The following MBTPS1 variants were observed in gnomAD, a reference collection of about 807,000 sequenced individuals.
The protein encoded by MBTPS1 is membrane bound transcription factor peptidase, site 1.
In MBTPS1, 94 loss-of-function variants were observed where a neutral mutation model predicts 127.8. The ratio of observed to expected loss-of-function variants is 0.74; its 90% CI spans 0.62 to 0.87. MBTPS1 has a LOEUF of 0.87. Ranked by LOEUF, MBTPS1 falls within the 40% of genes least tolerant of loss-of-function variation. The pLI is 0.00. For synonymous variants in MBTPS1, 632 were observed against 509.4 expected (o/e 1.24, Z -3.24); for missense variants, 1,636 against 1,353.2 (o/e 1.21, Z -3.28).
chr16:84,105,413 T>A (rs375933826), intron 1 of MBTPS1, among the ~76,000 whole-genome samples: 1 of 152,066 alleles, frequency 6.6e-6, no homozygotes, highest in African/African-American at 2.4e-5. Context: ...GAGGCAGGCA[T>A]CCAGGCCACA....
chr16:84,069,741 C>T, intron 14 of MBTPS1, 125 bp downstream of exon 14: 2 of 898,914 alleles, frequency 2.2e-6, no homozygotes, highest in Non-Finnish European at 3.4e-6. Flanking sequence ...CTGAACATCT[C>T]AGCGTCATCA....
intron 3 of MBTPS1, among the ~76,000 whole-genome samples, chr16:84,097,170 G>A (rs1052142204): frequency 6.6e-6 from 1 of 152,120 alleles, no homozygotes; most frequent in Admixed American, 6.5e-5. Flanking sequence ...TTGTCTTATG[G>A]CCCATGGGAT....
intron 14 of MBTPS1, 68 bp downstream of exon 14, chr16:84,069,798 C>G: frequency 3.6e-6 from 5 of 1,388,086 alleles, no homozygotes; most frequent in Non-Finnish European, 5.0e-6. Context: ...CCAAGAGTTG[C>G]GGGAACAGTG....
At chr16:84,088,544 C>T (rs1567492559) in intron 8 of MBTPS1, among the ~76,000 whole-genome samples, 1 of 152,194 alleles carries the variant, frequency 6.6e-6, no homozygotes, top group African/African-American at 2.4e-5. Flanking sequence ...CCTCCTCTAC[C>T]TGCTAAGCCC....
intron 14 of MBTPS1, 96 bp from the exon 15 acceptor site, chr16:84,068,550 C>T (rs1427259274): frequency 2.4e-6 from 2 of 824,766 alleles, no homozygotes; most frequent in East Asian, 5.1e-5. Flanking sequence ...AGCACCATGC[C>T]ATGGCCCACA....
chr16:84,098,266 C>T (rs1465949898), intron 3 of MBTPS1, among the ~76,000 whole-genome samples: 1 of 152,142 alleles, frequency 6.6e-6, no homozygotes, highest in East Asian at 1.9e-4. Context: ...GGTCAGGAGG[C>T]TTTGACAAAA....
chr16:84,081,993 C>T, intron 10 of MBTPS1, 85 bp from the exon 11 acceptor site: 1 of 997,430 alleles, frequency 1.0e-6, no homozygotes. Context: ...CAAACGTGCA[C>T]ACAAGAGGCC....
At chr16:84,074,518 G>T in intron 12 of MBTPS1, 79 bp downstream of exon 12, 1 of 1,443,878 alleles carries the variant, frequency 6.9e-7, no homozygotes, top group Non-Finnish European at 9.5e-7. Context: ...AACTTCAGCA[G>T]AAGTAACTAT....
Position 84,093,757 on chromosome 16 carries a change from A to G in MBTPS1, c.690T>C (p.Asn230=). 3 of 1,614,128 alleles carry G rather than the reference A, an allele frequency of 1.9e-6. No homozygotes were observed. The highest frequency in any genetic ancestry group is 2.5e-6 in the Non-Finnish European group (3 of 1,180,008). ...TGGTCCAGTTGGTTCTCTCCTTCAC[A>G]TTTTTGAAGTGGGGATGCTTCTCGC... ...GLSEKHPHFK[N]VKERTNWTNE... The change falls in exon 5 of 23, where the codon AAT becomes AAC. Residue 230 remains asparagine (N), a synonymous_variant. Coordinates refer to ENST00000343411, the MANE Select transcript of MBTPS1 (RefSeq NM_003791.4).
At chr16:84,076,615 G>A (rs2085857970) in intron 11 of MBTPS1, among the ~76,000 whole-genome samples, 1 of 152,070 alleles carries the variant, frequency 6.6e-6, no homozygotes, top group Non-Finnish European at 1.5e-5. Flanking sequence ...TTAACATATA[G>A]AAATAAAATC....
chr16:84,095,621 G>T lies in MBTPS1; in HGVS notation c.606C>A (p.Leu202=). The part of the protein sequence containing the change: ...QVAQTLQADV[L]WQMGYTGANV... The stretch of plus-strand genomic sequence containing the variant: ...ACACACCTGTATATCCCATCTGCCA[G>T]AGCACATCTGCCTGCAGTGTCTGGG... The change falls in exon 4 of 23, where the codon CTC becomes CTA. Residue 202 remains leucine, a synonymous_variant. Coordinates refer to ENST00000343411, the MANE Select transcript of MBTPS1 (RefSeq NM_003791.4). 6.2e-7 allele frequency: 1 copy of T among 1,614,170 alleles called. No homozygotes were observed. The highest frequency in any genetic ancestry group is 1.3e-5 in the African/African-American group (1 of 75,054).
intron 9 of MBTPS1, among the ~76,000 whole-genome samples, chr16:84,085,636 AACG>A (rs1184957419): frequency 2.6e-5 from 4 of 151,168 alleles, no homozygotes; most frequent in African/African-American, 4.9e-5. Context: ...AATAAGCTTA[AACG>A]ATAATGTAGA....
In MBTPS1 at chr16:84,095,659, G is replaced by A. The variant is rs1348221699; in HGVS notation, c.568C>T (p.Pro190Ser). 1 of 1,614,246 alleles carries A rather than the reference G, an allele frequency of 6.2e-7. No individual in the cohort carries two copies. The highest frequency in any genetic ancestry group is 1.3e-5 in the African/African-American group (1 of 75,070). Residue 190 changes from proline (P) to serine (S), a missense_variant, in exon 4 of 23, where the codon CCG (proline) becomes TCG (serine). Coordinates refer to ENST00000343411, the MANE Select transcript of MBTPS1 (RefSeq NM_003791.4). ...TGCAGTGTCTGGGCAACCTGGCGCG[G>A]GATGGCTCTCAGCAGCCGTCTGCTC... The part of the protein sequence containing the change: ...HSSRRLLRAI[P>S]RQVAQTLQAD...
At chr16:84,103,253 ATTAT>A (rs2086281547) in intron 1 of MBTPS1, among the ~76,000 whole-genome samples, 1 of 146,106 alleles carries the variant, frequency 6.8e-6, no homozygotes, top group Admixed American at 6.8e-5. Flanking sequence ...TATTATTATT[ATTAT>A]TTTTTTTTTT....
intron 19 of MBTPS1, 154 bp from the exon 20 acceptor site, chr16:84,060,967 G>A (rs556617881): frequency 5.6e-5 from 36 of 637,824 alleles, no homozygotes; most frequent in Non-Finnish European, 9.1e-5. Context: ...CCAAGTAGCT[G>A]AGACTGAAGG....
chr16:84,078,640 G>C (rs1348387364), intron 11 of MBTPS1, among the ~76,000 whole-genome samples: 5 of 152,150 alleles, frequency 3.3e-5, no homozygotes, highest in Non-Finnish European at 1.5e-5. Flanking sequence ...CAAAATACTG[G>C]AAACAACTTA....
Position 84,068,323 on chromosome 16 carries a change from C to T in MBTPS1, c.2071+16G>A. On this transcript the variant is annotated intron_variant, in intron 15 of 22. Coordinates refer to ENST00000343411, the MANE Select transcript of MBTPS1 (RefSeq NM_003791.4). ...GGGCGGAAAGACCATCTGGCTAGCA[C>T]AGCAGTGCCACTTACCATACTGACT... is the stretch of plus-strand genomic sequence containing the variant. The T allele has an allele frequency of 6.6e-7, 1 of 1,519,070 alleles. No homozygotes were observed. The allele number at this position is 1,519,070 out of a possible 1,614,324, so 94.1% of individuals were successfully genotyped here.
chr16:84,093,140 C>T (rs2086132605), intron 6 of MBTPS1, 48 bp downstream of exon 6: 3 of 1,250,782 alleles, frequency 2.4e-6, no homozygotes, highest in South Asian at 2.4e-5. Context: ...CTGCTTTTTA[C>T]ATTTCAGTAT....
At chr16:84,090,759 C>T in intron 8 of MBTPS1, 116 bp downstream of exon 8, 1 of 764,290 alleles carries the variant, frequency 1.3e-6, no homozygotes. Flanking sequence ...ATCCTTAAGA[C>T]AAGTTTTAGA....
Sources: allele counts gnomAD v4.1 joint callset (sites outside exome capture counted in the v4.1 genomes callset), GRCh38; gene constraint gnomAD v4.1.1; transcripts MANE v1.5; gene names NCBI Gene and HGNC (gene_info 2026-07-23, HGNC 2026-07-21).